The following CHD9 variants were observed in gnomAD, a reference collection of about 807,000 sequenced individuals.
CHD9 encodes the protein ATP-dependent chromatin remodeler CHD9.
Under a neutral mutation model 316.1 loss-of-function variants are expected in CHD9, and 77 were observed. That is an observed-to-expected ratio of 0.24 (90% confidence interval 0.20 to 0.29). The LOEUF (loss-of-function observed/expected upper bound fraction) is 0.29. CHD9 is among the 10% of genes least tolerant of loss of function. The pLI is 1.00. For missense variants in CHD9, 2,763 were observed against 3,438.1 expected (o/e 0.80, Z 4.91); for synonymous variants, 1,129 against 1,158.3 (o/e 0.97, Z 0.51).
intron 1 of CHD9, among the ~76,000 whole-genome samples, chr16:53,139,368 TTAA>T (rs1424669194): frequency 2.6e-5 from 4 of 152,200 alleles, no homozygotes; most frequent in Admixed American, 6.5e-5. Context: ...TAACCTTGTA[TTAA>T]TAAGGTGCTA....
chr16:53,169,413 A>G (rs1051480865), intron 2 of CHD9: 1 of 152,168 alleles, frequency 6.6e-6, no homozygotes, highest in Non-Finnish European at 1.5e-5. Flanking sequence ...GTTACAAGAA[A>G]AAAGGTAGCT....
intron 5 of CHD9, 69 bp from the exon 6 acceptor site, chr16:53,227,327 C>T (rs539309136): frequency 1.8e-5 from 17 of 931,996 alleles, no homozygotes; most frequent in Non-Finnish European, 2.7e-5. Flanking sequence ...TGTTCATCAA[C>T]ATACAAAGTG....
chr16:53,104,625 A>G (rs2037164789), intron 1 of CHD9, among the ~76,000 whole-genome samples: 1 of 152,128 alleles, frequency 6.6e-6, no homozygotes, highest in African/African-American at 2.4e-5. Context: ...AACCTGGCCA[A>G]CATGGTGAAA....
chr16:53,143,273 A>G (rs2152711572), intron 1 of CHD9, among the ~76,000 whole-genome samples: 1 of 152,242 alleles, frequency 6.6e-6, no homozygotes, highest in Non-Finnish European at 1.5e-5. Context: ...GGGGTTTAAT[A>G]GAGTAGTATA....
chr16:53,153,385 A>T (rs2041269676), intron 1 of CHD9, among the ~76,000 whole-genome samples: 1 of 152,236 alleles, frequency 6.6e-6, no homozygotes, highest in South Asian at 2.1e-4. Context: ...TACTGGGGCA[A>T]TGCCTTTGAG....
intron 1 of CHD9, among the ~76,000 whole-genome samples, chr16:53,084,574 A>G (rs1418598617): frequency 1.3e-5 from 2 of 152,098 alleles, no homozygotes; most frequent in African/African-American, 2.4e-5. Context: ...GAAACCCTGT[A>G]TCTACTAAAA....
At chr16:53,135,242 G>A (rs116563674) in intron 1 of CHD9, among the ~76,000 whole-genome samples, 1 of 152,256 alleles carries the variant, frequency 6.6e-6, no homozygotes, top group African/African-American at 2.4e-5. Flanking sequence ...ATAGAAAGCA[G>A]ATTATACAGG....
chr16:53,131,902 C>CCAGCCCCCGT (rs2039349431), intron 1 of CHD9, among the ~76,000 whole-genome samples: 1 of 152,070 alleles, frequency 6.6e-6, no homozygotes, highest in Non-Finnish European at 1.5e-5. Context: ...CCGGACCCCG[C>CCAGCCCCCGT]CAGCCCCCGT....
At chr16:53,110,651 T>C (rs1368995494) in intron 1 of CHD9, among the ~76,000 whole-genome samples, 1 of 152,034 alleles carries the variant, frequency 6.6e-6, no homozygotes, top group Non-Finnish European at 1.5e-5. Context: ...TAGTTCCAGC[T>C]AGTTGGAGGC....
chr16:53,118,376 C>G (rs935168164), intron 1 of CHD9, among the ~76,000 whole-genome samples: 2 of 152,100 alleles, frequency 1.3e-5, no homozygotes, highest in Non-Finnish European at 2.9e-5. Flanking sequence ...GAGATCACAC[C>G]GCTGCACTCC....
chr16:53,058,384 G>A (rs2032426191), intron 1 of CHD9, among the ~76,000 whole-genome samples: 1 of 152,206 alleles, frequency 6.6e-6, no homozygotes, highest in Non-Finnish European at 1.5e-5. Flanking sequence ...CCTCCAAAGT[G>A]CTAGGATTAC....
At position 53,314,959 on chromosome 16, in the gene CHD9, G is replaced by T; in HGVS notation, c.7499G>T (p.Gly2500Val). The T allele has an allele frequency of 6.2e-7, 1 of 1,613,840 alleles. No homozygotes were observed. The highest frequency in any genetic ancestry group is 8.5e-7 in the Non-Finnish European group (1 of 1,179,816). The change falls in exon 36 of 39, where the codon GGA (glycine) becomes GTA (valine). Residue 2500 changes from glycine to valine, a missense_variant. Physicochemically the swap from Gly to Val is moderately radical, Grantham distance 109. This residue lies in a region of CHD9 where 663 missense variants were observed against 751.2 expected (regional missense o/e 0.88). Coordinates refer to ENST00000447540, the MANE Select transcript of CHD9 (RefSeq NM_001308319.2). ...CTTAAAGATGGAACGAGACTTGCAG[G>T]AGATGATGCACCAAAGAGAAAGGAT... ...INLKDGTRLA[G>V]DDAPKRKDLE...
At chr16:53,071,752 G>C (rs2034074641) in intron 1 of CHD9, among the ~76,000 whole-genome samples, 1 of 152,154 alleles carries the variant, frequency 6.6e-6, no homozygotes, top group South Asian at 2.1e-4. Context: ...CGGGGATTTT[G>C]TTGTCTGTCT....
intron 3 of CHD9, among the ~76,000 whole-genome samples, chr16:53,221,806 T>C (rs2047259978): frequency 6.6e-6 from 1 of 152,194 alleles, no homozygotes; most frequent in Non-Finnish European, 1.5e-5. Context: ...ATTGTTAAAG[T>C]GCCTTAAGTA....
chr16:53,323,257 T>C (rs2057386860), intron 38 of CHD9, among the ~76,000 whole-genome samples: 1 of 152,252 alleles, frequency 6.6e-6, no homozygotes, highest in Non-Finnish European at 1.5e-5. Flanking sequence ...AAATAGACTA[T>C]TACTAAAATT....
chr16:53,243,096 T>A (rs1284369490), intron 13 of CHD9, 80 bp downstream of exon 13: 5 of 1,050,790 alleles, frequency 4.8e-6, no homozygotes, highest in East Asian at 2.6e-5. Context: ...ATGCTAAAAA[T>A]TTTTCTTTTT....
intron 24 of CHD9, among the ~76,000 whole-genome samples, chr16:53,276,940 C>T (rs185566028): frequency 4.3e-3 from 655 of 152,184 alleles, no homozygotes; most frequent in Middle Eastern, 0.02. Flanking sequence ...ACTGACACCA[C>T]GGAAATACAA....
chr16:53,318,602 C>A (rs1266976254), intron 37 of CHD9, among the ~76,000 whole-genome samples: 1 of 152,218 alleles, frequency 6.6e-6, no homozygotes, highest in Non-Finnish European at 1.5e-5. Context: ...TACACTTATA[C>A]AAGGGCACGA....
intron 2 of CHD9, among the ~76,000 whole-genome samples, chr16:53,182,299 A>T (rs768220703): frequency 3.3e-5 from 5 of 152,052 alleles, no homozygotes; most frequent in African/African-American, 1.2e-4. Context: ...GGCTCAAGTG[A>T]TCTTCTCATC....
Sources: allele counts gnomAD v4.1 joint callset (sites outside exome capture counted in the v4.1 genomes callset), GRCh38; gene constraint gnomAD v4.1.1; regional missense constraint gnomAD v4.1.1; transcripts MANE v1.5; gene names NCBI Gene and HGNC (gene_info 2026-07-23, HGNC 2026-07-21).